Variants in BRD1 observed in about 807,000 individuals in gnomAD.
The protein encoded by BRD1 is bromodomain-containing protein 1.
BRD1 carries 24 observed loss-of-function variants against 107.7 expected under a neutral mutation model. The ratio of observed to expected loss-of-function variants is 0.22; its 90% CI spans 0.16 to 0.31. BRD1 has a LOEUF of 0.31. Ranked by LOEUF, BRD1 falls within the 10% of genes least tolerant of loss-of-function variation. The pLI is 1.00. For missense variants in BRD1, 1,279 were observed against 1,638.6 expected (o/e 0.78, Z 3.79); for synonymous variants, 744 against 686.1 (o/e 1.08, Z -1.32).
At chr22:49,807,458 C>A (rs1037879898) in intron 2 of BRD1, among the ~76,000 whole-genome samples, 1 of 152,176 alleles carries the variant, frequency 6.6e-6, no homozygotes, top group Non-Finnish European at 1.5e-5. Flanking sequence ...CTGAAGCGAA[C>A]CCTCCCGTAT....
Position 49,824,257 on chromosome 22 carries a change from T to G in BRD1, c.61A>C (p.Ser21Arg), listed in dbSNP as rs1258921086. 5.6e-6 allele frequency: 9 copies of G among 1,614,004 alleles called. No homozygotes were observed. Among genetic ancestry groups the G allele is most frequent in the Non-Finnish European group, 7.6e-6 (9 of 1,180,004 alleles). Residue 21 changes from serine (S) to arginine (R), a missense_variant, in exon 2 of 13, where the codon AGT becomes CGT. Ser to Arg is a moderately radical substitution (Grantham distance 110). Coordinates refer to ENST00000404760, the MANE Select transcript of BRD1 (RefSeq NM_001304808.3). The surrounding 1 kb of genome is among the most constrained non-coding windows in gnomAD (Gnocchi z 5.9). Reference protein sequence around the residue: ...SAARHPSSPCSVKHSPTRETL... With the variant: ...SAARHPSSPCRVKHSPTRETL... ...TCTCGCGTAGGGGAGTGTTTAACAC[T>G]GCATGGGGAAGAAGGATGCCTCGCT...
chr22:49,784,545 A>C (rs1394243098), intron 8 of BRD1, among the ~76,000 whole-genome samples: 1 of 152,272 alleles, frequency 6.6e-6, no homozygotes, highest in Non-Finnish European at 1.5e-5. Flanking sequence ...CAGGAGGCCC[A>C]CAGTGAGTGC....
At chr22:49,784,096 G>A (rs928770668) in intron 8 of BRD1, among the ~76,000 whole-genome samples, 1 of 152,080 alleles carries the variant, frequency 6.6e-6, no homozygotes, top group Non-Finnish European at 1.5e-5. Flanking sequence ...CCCAGCACGT[G>A]CACATGGAGA....
At chr22:49,796,837 C>T (rs369545543) in intron 6 of BRD1, among the ~76,000 whole-genome samples, 3 of 142,120 alleles carry the variant, frequency 2.1e-5, no homozygotes, top group East Asian at 2.0e-4. Flanking sequence ...CCCACGATGG[C>T]GGGAACGTGG....
intron 2 of BRD1, 107 bp from the exon 3 acceptor site, chr22:49,804,467 T>C: frequency 7.6e-7 from 1 of 1,312,754 alleles, no homozygotes; most frequent in Non-Finnish European, 1.0e-6. Flanking sequence ...TGTTCATACT[T>C]TTTCTCCCTA....
At chr22:49,788,950 T>G (rs2059381024) in intron 7 of BRD1, among the ~76,000 whole-genome samples, 1 of 152,232 alleles carries the variant, frequency 6.6e-6, no homozygotes. Context: ...CAAAAAGTTG[T>G]TTTGAAAATA....
intron 1 of BRD1, chr22:49,826,336 C>T (rs2147454925): frequency 1.2e-6 from 1 of 867,694 alleles, no homozygotes; most frequent in Non-Finnish European, 1.4e-6. Flanking sequence ...CCTCAACATG[C>T]AACTGGGACC....
At chr22:49,791,292 C>A (rs971057665) in intron 7 of BRD1, among the ~76,000 whole-genome samples, 1 of 152,220 alleles carries the variant, frequency 6.6e-6, no homozygotes, top group African/African-American at 2.4e-5. Context: ...AAGGGGCAGA[C>A]CGGGGCCAAC....
At chr22:49,821,272 C>T (rs1317079991) in intron 2 of BRD1, among the ~76,000 whole-genome samples, 1 of 152,168 alleles carries the variant, frequency 6.6e-6, no homozygotes, top group African/African-American at 2.4e-5. Flanking sequence ...ACTTTTGGCT[C>T]TTCATTTTGT....
chr22:49,823,076 C>T lies in BRD1; in HGVS notation c.1242G>A (p.Glu414=). The T allele has an allele frequency of 1.2e-6, 2 of 1,614,222 alleles. No individual in the cohort carries two copies. Among genetic ancestry groups the T allele is most frequent in the South Asian group, 1.1e-5 (1 of 91,084 alleles). The change falls in exon 2 of 13, where the codon GAG becomes GAA. Residue 414 remains glutamate, a synonymous_variant. Transcript: ENST00000404760. ...TGGACCTGACCGTTTTAACCGAGCT[C>T]TCTTTTCGACAGACGCCATTTTTCA... The part of the protein sequence containing the change: ...VEMKNGVCRK[E]SSVKTVRSTS...
At position 49,792,981 on chromosome 22, in the gene BRD1, G is replaced by A. The variant is rs542972481; in HGVS notation, c.2359+1053C>T. Among the ~76,000 whole-genome samples the A allele has an allele frequency of 1.3e-4, 20 of 152,252 alleles. No individual in the cohort carries two copies. Among genetic ancestry groups the A allele is most frequent in the Non-Finnish European group, 2.6e-4 (18 of 68,014 alleles). On this transcript the variant is annotated intron_variant, in intron 7 of 12. Coordinates refer to ENST00000404760, the MANE Select transcript of BRD1 (RefSeq NM_001304808.3). The surrounding 1 kb of genome is among the most constrained non-coding windows in gnomAD (Gnocchi z 4.2). ...GCACAGACGTCCATAAGAGATGAAC[G>A]TCTTTGTTTTAAAAGAAAATTGTAC... is the stretch of plus-strand genomic sequence containing the variant.
intron 7 of BRD1, among the ~76,000 whole-genome samples, chr22:49,788,613 G>A (rs576824714): frequency 2.6e-5 from 4 of 152,290 alleles, no homozygotes; most frequent in Middle Eastern, 6.8e-3. Flanking sequence ...TAAAAAGCCC[G>A]AGGTCAGGAG....
Position 49,787,561 on chromosome 22 carries a change from A to G in BRD1, c.2686T>C (p.Ser896Pro), listed in dbSNP as rs2059354144. Reference sequence around the variant, plus strand: ...GGCTGGGTTTCAGTGTTCTTGGCAGACTTTGGGGGGCTTACACTTTTCGAT... The same window carrying G: ...GGCTGGGTTTCAGTGTTCTTGGCAGGCTTTGGGGGGCTTACACTTTTCGAT... ...CKSKSVSPPK[S>P]AKNTETQPTS... The change falls in exon 8 of 13, where the codon TCT becomes CCT. Residue 896 changes from serine (S) to proline (P), a missense_variant. Physicochemically the swap from Ser to Pro is moderately conservative, Grantham distance 74. This residue lies in a region of BRD1 where 263 missense variants were observed against 251.6 expected (regional missense o/e 1.05). Transcript: ENST00000404760. 1 of 1,590,138 alleles carries G rather than the reference A, an allele frequency of 6.3e-7. No individual in the cohort carries two copies. Among genetic ancestry groups the G allele is most frequent in the Non-Finnish European group, 8.6e-7 (1 of 1,167,652 alleles).
intron 10 of BRD1, 145 bp downstream of exon 10, chr22:49,776,889 G>A: frequency 8.3e-7 from 1 of 1,211,362 alleles, no homozygotes; most frequent in East Asian, 2.4e-5. Context: ...GGTGTGTGAT[G>A]AACCCTTCCC....
At chr22:49,775,489 AGCAGACAAAGACGCTGCTC>A in intron 12 of BRD1, 83 bp downstream of exon 12, 1 of 1,151,926 alleles carries the variant, frequency 8.7e-7, no homozygotes. Context: ...GCCAGGGCCC[AGCAGACAAAGACGCTGCTC>A]ACCACAGGGA....
At chr22:49,796,949 G>T (rs1415077159) in intron 6 of BRD1, among the ~76,000 whole-genome samples, 1 of 152,250 alleles carries the variant, frequency 6.6e-6, no homozygotes, top group Non-Finnish European at 1.5e-5. Flanking sequence ...GAAAGGGTAG[G>T]CCAAGAAATC....
At chr22:49,797,453 C>A (rs901893276) in intron 6 of BRD1, among the ~76,000 whole-genome samples, 9 of 152,194 alleles carry the variant, frequency 5.9e-5, no homozygotes, top group Non-Finnish European at 1.2e-4. Context: ...CCACACAGTC[C>A]TCTTGGTGGG....
At position 49,783,882 on chromosome 22, in the gene BRD1, C is replaced by T. The variant is rs1053232571; in HGVS notation, c.2857+3508G>A. Among the ~76,000 whole-genome samples, 4 of 152,188 alleles carry T rather than the reference C, an allele frequency of 2.6e-5. No individual in the cohort carries two copies. The highest frequency in any genetic ancestry group is 7.2e-5 in the African/African-American group (3 of 41,440). On this transcript the variant is annotated intron_variant, in intron 8 of 12. Transcript: ENST00000404760. This position sits in a 1 kb window ranked among gnomAD's most constrained non-coding sequence, Gnocchi z 4.2. ...GCAGTGATCTTTGTGCATTCCAAAA[C>T]GGCCGCTTAGCAGAACTCCAGTCCA...
chr22:49,827,731 C>T lies in BRD1; in HGVS notation c.-249G>A, dbSNP rs1263535909. Among the ~76,000 whole-genome samples, 2 of 144,072 alleles carry T rather than the reference C, an allele frequency of 1.4e-5. No homozygotes were observed. Among genetic ancestry groups the T allele is most frequent in the African/African-American group, 5.0e-5 (2 of 40,214 alleles). The allele number at this position is 144,072 out of a possible 152,430, so 94.5% of individuals were successfully genotyped here. A position where few individuals can be genotyped will look rare whatever the true frequency, so the allele number is the denominator to read the frequency against. On this transcript the variant is annotated 5_prime_UTR_variant, in exon 1 of 13. Coordinates refer to ENST00000404760, the MANE Select transcript of BRD1 (RefSeq NM_001304808.3). ...GCGCGGGCTCGGGCTCGGGGCCCAG[C>T]TGGAGGCCCGGCTCGGGGGGCCCGG...
Sources: allele counts gnomAD v4.1 joint callset (sites outside exome capture counted in the v4.1 genomes callset), GRCh38; gene constraint gnomAD v4.1.1; regional missense constraint gnomAD v4.1.1; non-coding constraint Gnocchi (gnomAD v3.1); transcripts MANE v1.5; gene names NCBI Gene and HGNC (gene_info 2026-07-23, HGNC 2026-07-21).